GALNTL6: variants seen among roughly 807,000 people sequenced by gnomAD.
The protein encoded by GALNTL6 is polypeptide N-acetylgalactosaminyltransferase like 6.
In GALNTL6, 46 loss-of-function variants were observed where a neutral mutation model predicts 73.7. That is an observed-to-expected ratio of 0.62 (90% CI 0.49 to 0.80). GALNTL6 has a LOEUF of 0.80. GALNTL6 is among the 30% of genes least tolerant of loss of function. The pLI, the probability that GALNTL6 is intolerant of heterozygous loss-of-function variation, is 0.00. For synonymous variants in GALNTL6, 259 were observed against 263.7 expected (o/e 0.98, Z 0.17); for missense variants, 604 against 755.0 (o/e 0.80, Z 2.34).
intron 11 of GALNTL6, among the ~76,000 whole-genome samples, chr4:173,011,364 G>T (rs561148609): frequency 1.1e-3 from 161 of 152,250 alleles, no homozygotes; most frequent in Non-Finnish European, 1.3e-3. Flanking sequence ...AGTTTGATGT[G>T]ATCCAATTTG....
intron 5 of GALNTL6, among the ~76,000 whole-genome samples, chr4:172,681,240 A>G (rs562665579): frequency 6.6e-6 from 1 of 152,210 alleles, no homozygotes; most frequent in Admixed American, 6.5e-5. Context: ...AGCATCCCTG[A>G]TGTTCTGGAA....
At chr4:172,654,743 T>A (rs1020042526) in intron 5 of GALNTL6, among the ~76,000 whole-genome samples, 2 of 152,224 alleles carry the variant, frequency 1.3e-5, no homozygotes, top group Non-Finnish European at 2.9e-5. Context: ...CCTTCAATCA[T>A]GTTGTTTCTG....
At chr4:172,501,239 G>T (rs1734250848) in intron 5 of GALNTL6, among the ~76,000 whole-genome samples, 1 of 152,130 alleles carries the variant, frequency 6.6e-6, no homozygotes, top group African/African-American at 2.4e-5. Flanking sequence ...TGAAATTTCT[G>T]TATTATTTCT....
chr4:172,940,791 G>A (rs1442993424), intron 9 of GALNTL6, among the ~76,000 whole-genome samples: 1 of 151,932 alleles, frequency 6.6e-6, no homozygotes, highest in African/African-American at 2.4e-5. Flanking sequence ...CTCCATCTCA[G>A]CCTCCTAGGT....
intron 2 of GALNTL6, among the ~76,000 whole-genome samples, chr4:172,170,931 T>C (rs766176777): frequency 1.3e-5 from 2 of 152,254 alleles, no homozygotes; most frequent in African/African-American, 4.8e-5. Context: ...AAATAACTTT[T>C]CTATTCCTTT....
intron 7 of GALNTL6, among the ~76,000 whole-genome samples, chr4:172,839,245 T>A (rs772912040): frequency 2.0e-5 from 3 of 152,236 alleles, no homozygotes; most frequent in Non-Finnish European, 2.9e-5. Context: ...AGAGTTGTTA[T>A]GCCTGATATT....
chr4:171,819,270 G>A (rs1734621171), intron 2 of GALNTL6, among the ~76,000 whole-genome samples: 1 of 152,068 alleles, frequency 6.6e-6, no homozygotes, highest in African/African-American at 2.4e-5. Context: ...ACTACAGGGT[G>A]GCACCACACG....
At chr4:172,898,200 CAT>C (rs1215633952) in intron 8 of GALNTL6, among the ~76,000 whole-genome samples, 11 of 151,886 alleles carry the variant, frequency 7.2e-5, no homozygotes, top group African/African-American at 1.9e-4. Flanking sequence ...AGCTCTTCTT[CAT>C]ATGTCTCATA....
rs560928745 is a variant in GALNTL6, at chr4:172,755,060, AACTT to A, written c.554-54293_554-54290del. On this transcript the variant is annotated intron_variant, in intron 5 of 12. Transcript: ENST00000506823. ...GCCTGCACTAGAGTCCATTTGTCCT[AACTT>A]ACTTACTAATACTATTTTTATTCCA... Among the ~76,000 whole-genome samples the A allele has an allele frequency of 3.0e-4, 45 of 152,206 alleles. No homozygotes were observed. The East Asian group carries it at 8.3e-3, about 28-fold the overall frequency.
chr4:172,188,337 A>G (rs1329680381), intron 2 of GALNTL6, among the ~76,000 whole-genome samples: 3 of 152,216 alleles, frequency 2.0e-5, no homozygotes, highest in Admixed American at 2.0e-4. Context: ...AGGTTCACTA[A>G]TATTTGTACA....
intron 3 of GALNTL6, among the ~76,000 whole-genome samples, chr4:172,297,073 T>C (rs887828163): frequency 1.8e-4 from 28 of 152,280 alleles, no homozygotes; most frequent in Admixed American, 1.6e-3. Context: ...TGTGAGATGG[T>C]ATCTCGTGGT....
chr4:172,800,537 G>T (rs1440462630), intron 5 of GALNTL6, among the ~76,000 whole-genome samples: 1 of 152,086 alleles, frequency 6.6e-6, no homozygotes, highest in Non-Finnish European at 1.5e-5. Flanking sequence ...CACCAACTTT[G>T]TGTAATGCTG....
At chr4:171,882,779 C>T (rs1036340004) in intron 2 of GALNTL6, among the ~76,000 whole-genome samples, 2 of 152,230 alleles carry the variant, frequency 1.3e-5, no homozygotes, top group Admixed American at 6.5e-5. Context: ...GCAACACCCT[C>T]ACAGCCACCC....
intron 5 of GALNTL6, among the ~76,000 whole-genome samples, chr4:172,479,832 T>A (rs1182810296): frequency 6.6e-6 from 1 of 152,236 alleles, no homozygotes; most frequent in Non-Finnish European, 1.5e-5. Flanking sequence ...GTGCTTTTTA[T>A]AAGTAACACA....
At chr4:172,174,119 TC>T (rs1396716588) in intron 2 of GALNTL6, among the ~76,000 whole-genome samples, 1 of 152,152 alleles carries the variant, frequency 6.6e-6, no homozygotes, top group Non-Finnish European at 1.5e-5. Flanking sequence ...ACACTTGAGA[TC>T]AGCTAAGAGA....
chr4:172,370,575 G>A, intron 5 of GALNTL6, among the ~76,000 whole-genome samples: 1 of 142,348 alleles, frequency 7.0e-6, no homozygotes, highest in Non-Finnish European at 1.5e-5. Context: ...AGCTTGCAGT[G>A]AGTCGAGATC....
intron 2 of GALNTL6, among the ~76,000 whole-genome samples, chr4:172,101,170 C>G (rs1732503553): frequency 6.6e-6 from 1 of 152,086 alleles, no homozygotes; most frequent in African/African-American, 2.4e-5. Flanking sequence ...CACACTCTTC[C>G]CACTTCTAAT....
In GALNTL6 at chr4:172,049,141, G is replaced by A. The variant is rs571129582; in HGVS notation, c.139-180515G>A. 3.9e-5 allele frequency among the ~76,000 whole-genome samples: 6 copies of A among 152,114 alleles called. No homozygotes were observed. In the East Asian group the frequency reaches 7.7e-4, roughly 20 times the overall value. ...TCTGCAAATGCTATAGTATCTTTAGGTTATTTTATAATTTGTGTATAATCA... is the reference window on the plus strand; with the variant it reads ...TCTGCAAATGCTATAGTATCTTTAGATTATTTTATAATTTGTGTATAATCA... On this transcript the variant is annotated intron_variant, in intron 2 of 12. Transcript: ENST00000506823.
At chr4:172,250,174 T>G (rs1760896247) in intron 3 of GALNTL6, among the ~76,000 whole-genome samples, 1 of 152,116 alleles carries the variant, frequency 6.6e-6, no homozygotes. Flanking sequence ...AGTATGACCT[T>G]ACATCAGTGT....
Sources: gnomAD v4.1 joint callset for allele counts (sites outside exome capture counted in the v4.1 genomes callset) on GRCh38, gnomAD v4.1.1 for gene constraint, MANE v1.5 for transcripts, NCBI Gene and HGNC (gene_info 2026-07-23, HGNC 2026-07-21) for gene names.